GSC: variants seen among roughly 807,000 people sequenced by gnomAD.
The protein encoded by GSC is homeobox protein goosecoid.
A neutral mutation model predicts 24.5 loss-of-function variants in GSC; 13 were observed. The observed-to-expected ratio is 0.53, with a 90% confidence interval of 0.35 to 0.84. GSC has a LOEUF of 0.84. Among genes scored for constraint, GSC ranks in the 40% least tolerant of loss-of-function variants. GSC has a pLI of 0.01. For missense variants in GSC, 382 were observed against 384.2 expected (o/e 0.99, Z 0.05); for synonymous variants, 199 against 182.1 (o/e 1.09, Z -0.75).
At position 94,769,006 on chromosome 14, in the gene GSC, C is replaced by CGG; in HGVS notation, c.566_567insCC (p.Glu191AlafsTer111). On this transcript the variant is annotated frameshift_variant, in exon 2 of 3. Coordinates refer to ENST00000238558, the MANE Select transcript of GSC (RefSeq NM_173849.3). LOFTEE classifies it high-confidence loss of function. Reference sequence around the variant, plus strand: ...GCACTTTCCGGGCCAGCTGCTCGCGCGTGCCCACGTCCGGGTACTTGGTCT... The same window carrying CGG: ...GCACTTTCCGGGCCAGCTGCTCGCGCGGGTGCCCACGTCCGGGTACTTGGTCT... 1 of 1,596,096 alleles carries CGG rather than the reference C, an allele frequency of 6.3e-7. No individual in the cohort carries two copies. Among genetic ancestry groups the CGG allele is most frequent in the Non-Finnish European group, 8.5e-7 (1 of 1,172,182 alleles).
chr14:94,768,706 C>G, intron 2 of GSC, 57 bp from the exon 3 acceptor site: 1 of 1,599,436 alleles, frequency 6.3e-7, no homozygotes, highest in Non-Finnish European at 8.5e-7. Context: ...CCCCCAGTCC[C>G]GGGGCACCCG....
Position 94,770,098 on chromosome 14 carries a change from A to G in GSC, c.-83T>C, listed in dbSNP as rs1215172918. On this transcript the variant is annotated 5_prime_UTR_variant, in exon 1 of 3. Coordinates refer to ENST00000238558, the MANE Select transcript of GSC (RefSeq NM_173849.3). ...AAAGTGGGGGGGTCCACTCTCCTCC[A>G]GCCGCCGACCAAACCGAAAGAGAGC... is the stretch of plus-strand genomic sequence containing the variant. 2.0e-4 allele frequency: 266 copies of G among 1,330,474 alleles called. No homozygotes were observed. Among genetic ancestry groups the G allele is most frequent in the Non-Finnish European group, 3.2e-5 (32 of 989,736 alleles). The allele number at this position is 1,330,474 out of a possible 1,614,324, so 82.4% of individuals were successfully genotyped here.
At position 94,769,117 on chromosome 14, in the gene GSC, G is replaced by A. The variant is rs1885230632; in HGVS notation, c.456C>T (p.Leu152=). Residue 152 remains leucine, a synonymous_variant, in exon 2 of 3, where the codon CTC becomes CTT. Coordinates refer to ENST00000238558, the MANE Select transcript of GSC (RefSeq NM_173849.3). The stretch of plus-strand genomic sequence containing the variant: ...GCTTCCGCCGACAGTGCAGCTGGTT[G>A]AGAAGCTGCAGCTCGGTGCGCGACA... ...GTLSRTELQL[L]NQLHCRRKRR... is the part of the protein sequence containing the mutation. The A allele has an allele frequency of 2.5e-6, 4 of 1,585,032 alleles. No homozygotes were observed. Among genetic ancestry groups the A allele is most frequent in the African/African-American group, 1.3e-5 (1 of 74,494 alleles).
At chr14:94,768,738 G>C (rs1479862734) in intron 2 of GSC, 89 bp from the exon 3 acceptor site, 16 of 1,544,554 alleles carry the variant, frequency 1.0e-5, no homozygotes, top group African/African-American at 1.4e-5. Flanking sequence ...GTGGCGGCGG[G>C]ACACCCCGCG....
rs1346612042 is a variant in GSC at position 94,769,188 on chromosome 14, A to C, written c.385T>G (p.Ser129Ala). 1.5e-5 allele frequency: 24 copies of C among 1,559,552 alleles called. No individual in the cohort carries two copies. Among genetic ancestry groups the C allele is most frequent in the Non-Finnish European group, 2.1e-5 (24 of 1,152,284 alleles). The change falls in exon 2 of 3, where the codon TCC becomes GCC. Residue 129 changes from serine (S) to alanine (A), a missense_variant. Transcript: ENST00000238558. ...GYEGPGSVLV[S>A]PVPHQMLPYM... ...GGCAGCATCTGGTGCGGTACCGGGGACACCAGCACCGAACCGGGGCCCTCG... is the reference window on the plus strand; with the variant it reads ...GGCAGCATCTGGTGCGGTACCGGGGCCACCAGCACCGAACCGGGGCCCTCG...
Position 94,768,388 on chromosome 14 carries a change from C to T in GSC, c.*103G>A. ...TTTACAGCTCCTCGTTCCTCTTTCTCGACCCCCTCCCGCAAGGCAGCGCGT... is the reference window on the plus strand; with the variant it reads ...TTTACAGCTCCTCGTTCCTCTTTCTTGACCCCCTCCCGCAAGGCAGCGCGT... On this transcript the variant is annotated 3_prime_UTR_variant, in exon 3 of 3. Coordinates refer to ENST00000238558, the MANE Select transcript of GSC (RefSeq NM_173849.3). 3 of 1,407,224 alleles carry T rather than the reference C, an allele frequency of 2.1e-6. No individual in the cohort carries two copies. Among genetic ancestry groups the T allele is most frequent in the East Asian group, 2.3e-5 (1 of 43,824 alleles). The allele number at this position is 1,407,224 out of a possible 1,614,324, so 87.2% of individuals were successfully genotyped here.
Position 94,769,947 on chromosome 14 carries a change from C to G in GSC, c.69G>C (p.Leu23Phe), listed in dbSNP as rs753414164. 7.9e-5 allele frequency: 123 copies of G among 1,550,460 alleles called. No individual in the cohort carries two copies. The African/African-American group carries it at 1.4e-3, about 18-fold the overall frequency. Residue 23 changes from leucine (L) to phenylalanine (F), a missense_variant, in exon 1 of 3, where the codon TTG (leucine) becomes TTC (phenylalanine). Physicochemically the swap from Leu to Phe is conservative, Grantham distance 22. Coordinates refer to ENST00000238558, the MANE Select transcript of GSC (RefSeq NM_173849.3). ...GAGCCGCCGCGCTGTGCGCCACCGG[C>G]AACACCGAGTCCTTGCAGCGCGGCC... ...AARPRCKDSV[L>F]PVAHSAAAPV...
chr14:94,769,749 G>T lies in GSC; in HGVS notation c.267C>A (p.His89Gln). The change falls in exon 1 of 3, where the codon CAC (histidine) becomes CAA (glutamine). Residue 89 changes from histidine to glutamine, a missense_variant. Coordinates refer to ENST00000238558, the MANE Select transcript of GSC (RefSeq NM_173849.3). ...CCGGGCCCACGGGCGCCGCCTGCAC[G>T]TGCAGCTGCCCGTAGAAGTAGTTGT... The part of the protein sequence containing the change: ...GYNNYFYGQL[H>Q]VQAAPVGPAC... 1.4e-6 allele frequency: 2 copies of T among 1,442,550 alleles called. No homozygotes were observed. Among genetic ancestry groups the T allele is most frequent in the Non-Finnish European group, 1.8e-6 (2 of 1,107,098 alleles). The allele number at this position is 1,442,550 out of a possible 1,614,324, so 89.4% of individuals were successfully genotyped here. A position where few individuals can be genotyped will look rare whatever the true frequency, so the allele number is the denominator to read the frequency against.
chr14:94,768,602 G>A lies in GSC; in HGVS notation c.663C>T (p.Ser221=), dbSNP rs1445059435. Residue 221 remains serine (S), a synonymous_variant, in exon 3 of 3, where the codon TCC becomes TCT. Coordinates refer to ENST00000238558, the MANE Select transcript of GSC (RefSeq NM_173849.3). ...RRAKWRRQKR[S]SSEESENAEK... ...CCGCGTTCTCCGACTCCTCTGATGA[G>A]GACCGCTTCTGCCGCCTCCATTTGG... 6.2e-7 allele frequency: 1 copy of A among 1,614,086 alleles called. No individual in the cohort carries two copies. The highest frequency in any genetic ancestry group is 1.3e-5 in the African/African-American group (1 of 75,064).
chr14:94,769,419 G>A (rs1885237736), intron 1 of GSC, among the ~76,000 whole-genome samples: 1 of 150,090 alleles, frequency 6.7e-6, no homozygotes, highest in South Asian at 2.1e-4. Context: ...GCCAGTAAGA[G>A]AATTCAAAAC....
In GSC at chr14:94,768,483, C is replaced by T; in HGVS notation, c.*8G>A. On this transcript the variant is annotated 3_prime_UTR_variant, in exon 3 of 3. Transcript: ENST00000238558. ...AGGTAAGTAATACGGGCAAGTGTCC[C>T]GCGGCCGTCAGCTGTCCGAGTCCAA... 1 of 1,614,174 alleles carries T rather than the reference C, an allele frequency of 6.2e-7. No individual in the cohort carries two copies. Among genetic ancestry groups the T allele is most frequent in the Non-Finnish European group, 8.5e-7 (1 of 1,180,018 alleles).
rs1885247849 is a variant in GSC at position 94,769,825 on chromosome 14, G to T, written c.191C>A (p.Pro64His). 1 of 1,415,350 alleles carries T rather than the reference G, an allele frequency of 7.1e-7. No homozygotes were observed. The allele number at this position is 1,415,350 out of a possible 1,614,324, so 87.7% of individuals were successfully genotyped here. The change falls in exon 1 of 3, where the codon CCC (proline) becomes CAC (histidine). Residue 64 changes from proline (P) to histidine (H), a missense_variant. Physicochemically the swap from Pro to His is moderately conservative, Grantham distance 77. Transcript: ENST00000238558. ...YGAFYPRPVA[P>H]GGAGLPAAVS... ...CGCGGCCGGGAGGCCCGCGCCGCCG[G>T]GGGCCACGGGGCGCGGGTAGAAGGC...
At chr14:94,769,277 C>T in intron 1 of GSC, 60 bp from the exon 2 acceptor site, 1 of 1,525,474 alleles carries the variant, frequency 6.6e-7, no homozygotes, top group Non-Finnish European at 8.8e-7. Context: ...GCATGCACGC[C>T]CGCCAGCCCC....
Position 94,768,281 on chromosome 14 carries a change from G to A in GSC, c.*210C>T, listed in dbSNP as rs1885209151. The A allele has an allele frequency of 3.2e-6, 2 of 625,396 alleles. No individual in the cohort carries two copies. The highest frequency in any genetic ancestry group is 5.7e-6 in the Non-Finnish European group (2 of 348,286). 38.7% of individuals were successfully genotyped at this position (625,396 alleles called of 1,614,324 possible). ...TAATTTAACTATAAATACTACGGTG[G>A]GGGCTAGTCGCGGGCGGCCTCGGGC... On this transcript the variant is annotated 3_prime_UTR_variant, in exon 3 of 3. Transcript: ENST00000238558.
rs1595156821 is a variant in GSC, at chr14:94,768,501, G to A, written c.764C>T (p.Ser255Leu). 6 of 1,614,104 alleles carry A rather than the reference G, an allele frequency of 3.7e-6. No homozygotes were observed. The highest frequency in any genetic ancestry group is 1.3e-5 in the African/African-American group (1 of 74,940). ...REEEGKSDLD[S>L]DS is the part of the protein sequence containing the mutation. ...AGTGTCCCGCGGCCGTCAGCTGTCC[G>A]AGTCCAAATCGCTTTTACCTTCCTC... Residue 255 changes from serine (S) to leucine (L), a missense_variant, in exon 3 of 3, where the codon TCG becomes TTG. Ser to Leu is a moderately radical substitution (Grantham distance 145). Transcript: ENST00000238558.
intron 1 of GSC, 127 bp downstream of exon 1, chr14:94,769,534 C>A: frequency 7.5e-7 from 1 of 1,331,216 alleles, no homozygotes; most frequent in South Asian, 1.7e-5. Context: ...AACTCCTGCG[C>A]CCGATCGGCA....
At position 94,769,881 on chromosome 14, in the gene GSC, G is replaced by A. The variant is rs1885249922; in HGVS notation, c.135C>T (p.Gly45=). The A allele has an allele frequency of 2.7e-6, 4 of 1,503,632 alleles. No homozygotes were observed. Among genetic ancestry groups the A allele is most frequent in the East Asian group, 2.7e-5 (1 of 36,702 alleles). The allele number at this position is 1,503,632 out of a possible 1,614,324, so 93.1% of individuals were successfully genotyped here. The change falls in exon 1 of 3, where the codon GGC becomes GGT. Residue 45 remains glycine (G), a synonymous_variant. Coordinates refer to ENST00000238558, the MANE Select transcript of GSC (RefSeq NM_173849.3). ...FPALHGDSLY[G]ASGGASSDYG... ...AGTCCGAGGAGGCGCCGCCGCTGGC[G>A]CCGTAGAGCGAGTCCCCGTGCAGGG...
At position 94,769,155 on chromosome 14, in the gene GSC, T is replaced by C; in HGVS notation, c.418A>G (p.Asn140Asp). ...TCGGTGCGCGACAGCGTGCCCACGT[T>C]CATGTAGGGCAGCATCTGGTGCGGT... ...PVPHQMLPYM[N>D]VGTLSRTELQ... Residue 140 changes from asparagine to aspartate, a missense_variant, in exon 2 of 3, where the codon AAC becomes GAC. Asn to Asp is a conservative substitution (Grantham distance 23). Coordinates refer to ENST00000238558, the MANE Select transcript of GSC (RefSeq NM_173849.3). 1 of 1,567,980 alleles carries C rather than the reference T, an allele frequency of 6.4e-7. No individual in the cohort carries two copies. The highest frequency in any genetic ancestry group is 8.6e-7 in the Non-Finnish European group (1 of 1,156,974).
chr14:94,769,643 G>A lies in GSC; in HGVS notation c.355+18C>T. On this transcript the variant is annotated intron_variant, in intron 1 of 2. Coordinates refer to ENST00000238558, the MANE Select transcript of GSC (RefSeq NM_173849.3). ...GGACCGCAGTGGGCGGCAGAGGCCGGAGCGAGCGCGACCCTACCTGGGGGC... is the reference window on the plus strand; with the variant it reads ...GGACCGCAGTGGGCGGCAGAGGCCGAAGCGAGCGCGACCCTACCTGGGGGC... 7.1e-7 allele frequency: 1 copy of A among 1,410,088 alleles called. No homozygotes were observed. Among genetic ancestry groups the A allele is most frequent in the Non-Finnish European group, 9.1e-7 (1 of 1,094,158 alleles). The allele number at this position is 1,410,088 out of a possible 1,614,324, so 87.3% of individuals were successfully genotyped here.
Sources: allele counts gnomAD v4.1 joint callset (sites outside exome capture counted in the v4.1 genomes callset), GRCh38; gene constraint gnomAD v4.1.1; transcripts MANE v1.5; gene names NCBI Gene and HGNC (gene_info 2026-07-23, HGNC 2026-07-21).